The following NMNAT1 variants were observed in gnomAD, a reference collection of about 807,000 sequenced individuals.
NMNAT1 encodes nicotinamide/nicotinic acid mononucleotide adenylyltransferase 1.
In NMNAT1, 11 loss-of-function variants were observed where a neutral mutation model predicts 16.7. That is an observed-to-expected ratio of 0.66 (90% CI 0.41 to 1.09). The LOEUF is 1.09. Ranked by LOEUF, NMNAT1 falls within the 50% of genes least tolerant of loss-of-function variation. NMNAT1 has a pLI of 0.00. For synonymous variants in NMNAT1, 110 were observed against 119.8 expected, an observed-to-expected ratio of 0.92 and a Z score of 0.53; for missense variants, 280 against 332.3, an observed-to-expected ratio of 0.84 and a Z score of 1.22.
intron 1 of NMNAT1, among the ~76,000 whole-genome samples, chr1:9,952,146 C>T (rs1641130475): frequency 6.6e-6 from 1 of 151,702 alleles, no homozygotes; most frequent in African/African-American, 2.4e-5. Context: ...AAAAAAAATA[C>T]AAAAAATTAG....
intron 1 of NMNAT1, among the ~76,000 whole-genome samples, chr1:9,957,661 C>A (rs1641298719): frequency 6.6e-6 from 1 of 152,182 alleles, no homozygotes; most frequent in South Asian, 2.1e-4. Context: ...GGAATTCTGA[C>A]TTCTAGTAAG....
intron 3 of NMNAT1, among the ~76,000 whole-genome samples, 192 bp from the exon 4 acceptor site, chr1:9,980,839 G>A (rs1017544581): frequency 6.6e-6 from 1 of 151,424 alleles, no homozygotes; most frequent in Non-Finnish European, 1.5e-5. Context: ...TGTATTTTTA[G>A]TAGAGACGGG....
chr1:9,972,339 T>A lies in NMNAT1; in HGVS notation c.115+151T>A, dbSNP rs141517320. ...TCCTAGCCAACATGGTAAAACCCTGTCTCTACTAAAAAATACGAAAATTCA... is the reference window on the plus strand; with the variant it reads ...TCCTAGCCAACATGGTAAAACCCTGACTCTACTAAAAAATACGAAAATTCA... On this transcript the variant is annotated intron_variant, in intron 2 of 4. Coordinates refer to ENST00000377205, the MANE Select transcript of NMNAT1 (RefSeq NM_022787.4). The A allele has an allele frequency of 1.9e-3, 1,090 of 571,116 alleles. 15 individuals carry two copies. The highest frequency in any genetic ancestry group is 0.012 in the South Asian group (589 of 49,192). 35.4% of individuals were successfully genotyped at this position (571,116 alleles called of 1,614,324 possible).
intron 1 of NMNAT1, chr1:9,949,614 A>G (rs921322092): frequency 4.0e-5 from 6 of 151,656 alleles, no homozygotes; most frequent in African/African-American, 1.2e-4. Flanking sequence ...ATGTGTATAT[A>G]TATAATTTTT....
chr1:9,955,351 C>G (rs1395553785), intron 1 of NMNAT1, among the ~76,000 whole-genome samples: 1 of 140,450 alleles, frequency 7.1e-6, no homozygotes, highest in Non-Finnish European at 1.5e-5. Flanking sequence ...TTGCAGTGAG[C>G]TGGGATCGCG....
chr1:9,993,774 A>G, the NMNAT1 span, among the ~76,000 whole-genome samples: 1 of 152,178 alleles, frequency 6.6e-6, no homozygotes, highest in Non-Finnish European at 1.5e-5. Context: ...TAGCTTGAGC[A>G]TCCAGGGGCC....
chr1:9,959,460 A>T (rs965303918), intron 1 of NMNAT1, among the ~76,000 whole-genome samples: 5 of 150,406 alleles, frequency 3.3e-5, no homozygotes, highest in South Asian at 2.1e-4. Flanking sequence ...AAGTAGGCAG[A>T]TCATGAGGTC....
chr1:9,983,330 G>A lies in NMNAT1; in HGVS notation c.*629G>A, dbSNP rs1427775612. 6.6e-6 allele frequency: 1 copy of A among 150,650 alleles called. No homozygotes were observed. The highest frequency in any genetic ancestry group is 2.4e-5 in the African/African-American group (1 of 40,910). 9.3% of individuals were successfully genotyped at this position (150,650 alleles called of 1,614,324 possible). ...AGGTTGTGCCACTGCACTCCAGCCTGGGCAAAAAAGCAAAACTCCATCTCA... is the reference window on the plus strand; with the variant it reads ...AGGTTGTGCCACTGCACTCCAGCCTAGGCAAAAAAGCAAAACTCCATCTCA... On this transcript the variant is annotated 3_prime_UTR_variant, in exon 5 of 5. Transcript: ENST00000377205.
At chr1:9,966,132 C>T (rs1641536710) in intron 1 of NMNAT1, among the ~76,000 whole-genome samples, 1 of 150,962 alleles carries the variant, frequency 6.6e-6, no homozygotes, top group Admixed American at 6.6e-5. Context: ...AACCCCGTCT[C>T]TACCAAAAAT....
chr1:9,971,976 A>G, intron 1 of NMNAT1, 42 bp from the exon 2 acceptor site: 1 of 747,234 alleles, frequency 1.3e-6, no homozygotes, highest in East Asian at 2.5e-5. Flanking sequence ...TCTTAGGGAA[A>G]AAAAAATGCA....
chr1:9,962,062 C>T (rs1641423760), intron 1 of NMNAT1, among the ~76,000 whole-genome samples: 2 of 151,956 alleles, frequency 1.3e-5, no homozygotes, highest in South Asian at 4.2e-4. Flanking sequence ...CCTACCGCGC[C>T]CGGACCCCAA....
chr1:9,987,570 G>T (rs1189680698), downstream of NMNAT1, among the ~76,000 whole-genome samples: 1 of 152,036 alleles, frequency 6.6e-6, no homozygotes, highest in African/African-American at 2.4e-5. Context: ...AACCCAGGAG[G>T]CAGAGCTTTC....
At position 9,983,284 on chromosome 1, in the gene NMNAT1, G is replaced by T. The variant is rs1570718099; in HGVS notation, c.*583G>T. On this transcript the variant is annotated 3_prime_UTR_variant, in exon 5 of 5. Transcript: ENST00000377205. ...GCAGGAGAATCGCTTGAACCCGGGA[G>T]GCACAGGTTCCAGTGAGCCAAGGTT... The T allele has an allele frequency of 6.6e-6, 1 of 151,858 alleles. No homozygotes were observed. The highest frequency in any genetic ancestry group is 6.6e-5 in the Admixed American group (1 of 15,192). 9.4% of individuals were successfully genotyped at this position (151,858 alleles called of 1,614,324 possible).
At position 9,982,285 on chromosome 1, in the gene NMNAT1, G is replaced by GTT. The variant is rs1557475768; in HGVS notation, c.440-13_440-12dup. On this transcript the variant is annotated splice_polypyrimidine_tract_variant and intron_variant, in intron 4 of 4. Transcript: ENST00000377205. ...AAGAAAAAGCATACCCCAAAGCTCT[G>GTT]TTTTATTCTTCCCAGCTGTGCCAAA... The GTT allele has an allele frequency of 1.3e-6, 2 of 1,597,166 alleles. No individual in the cohort carries two copies. The highest frequency in any genetic ancestry group is 4.5e-5 in the East Asian group (2 of 44,722).
chr1:9,949,366 T>C (rs1455597543), intron 1 of NMNAT1, among the ~76,000 whole-genome samples: 2 of 149,282 alleles, frequency 1.3e-5, no homozygotes, highest in African/African-American at 2.4e-5. Flanking sequence ...TTATAATCTA[T>C]AAGGGGGAGG....
intron 3 of NMNAT1, among the ~76,000 whole-genome samples, chr1:9,976,817 GGGT>G (rs1641825278): frequency 1.3e-5 from 2 of 151,468 alleles, no homozygotes; most frequent in African/African-American, 4.9e-5. Flanking sequence ...AGTAGAGATG[GGGT>G]TCTACCTTGT....
Position 9,971,938 on chromosome 1 carries a change from C to T in NMNAT1, c.-56-80C>T, listed in dbSNP as rs1307366476. ...TCAGCTGTGGTTGCATCACTACACT[C>T]TAGCCAGGGTGGCAGAGCAAGACCT... On this transcript the variant is annotated intron_variant, in intron 1 of 4. Coordinates refer to ENST00000377205, the MANE Select transcript of NMNAT1 (RefSeq NM_022787.4). The T allele has an allele frequency of 6.2e-6, 4 of 646,618 alleles. No homozygotes were observed. The Admixed American group carries it at 9.3e-5, about 15-fold the overall frequency. 40.1% of individuals were successfully genotyped at this position (646,618 alleles called of 1,614,324 possible).
At chr1:9,965,502 C>G (rs1458302732) in intron 1 of NMNAT1, among the ~76,000 whole-genome samples, 1 of 151,608 alleles carries the variant, frequency 6.6e-6, no homozygotes, top group African/African-American at 2.4e-5. Flanking sequence ...CTGCCAGGTT[C>G]AAGTGATTCT....
chr1:9,994,805 G>A, the NMNAT1 span, among the ~76,000 whole-genome samples: 1 of 151,894 alleles, frequency 6.6e-6, no homozygotes, highest in African/African-American at 2.4e-5. Context: ...GTAGAGACAG[G>A]GTTTCACCAT....
Sources: gnomAD v4.1 joint callset for allele counts (sites outside exome capture counted in the v4.1 genomes callset) on GRCh38, gnomAD v4.1.1 for gene constraint, MANE v1.5 for transcripts, NCBI Gene and HGNC (gene_info 2026-07-23, HGNC 2026-07-21) for gene names.